Variants in DENND5A observed in about 807,000 individuals in gnomAD.
DENND5A encodes the protein DENN domain-containing protein 5A.
DENND5A carries 64 observed loss-of-function variants against 140.3 expected under a neutral mutation model. The ratio of observed to expected loss-of-function variants is 0.46; its 90% CI spans 0.37 to 0.56. DENND5A has a LOEUF of 0.56. Among genes scored for constraint, DENND5A ranks in the 20% least tolerant of loss-of-function variants. The pLI is 0.00. For missense variants in DENND5A, 1,292 were observed against 1,593.8 expected (o/e 0.81, Z 3.22); for synonymous variants, 605 against 607.7 (o/e 1.00, Z 0.07).
chr11:9,204,316 A>G lies in DENND5A; in HGVS notation c.293T>C (p.Leu98Pro). The G allele has an allele frequency of 3.1e-6, 5 of 1,607,244 alleles. No individual in the cohort carries two copies. Among genetic ancestry groups the G allele is most frequent in the Non-Finnish European group, 4.2e-6 (5 of 1,179,110 alleles). ...NPFDQDAVGM[L>P]CMPKGLAFKT... is the part of the protein sequence containing the mutation. ...GAATGCCAGCCCTTTCGGCATACAT[A>G]GCTGCAAAAGACAACAAGGCAACAA... The change falls in exon 4 of 23, where the codon CTA becomes CCA. Residue 98 changes from leucine to proline, a missense_variant and splice_region_variant. This residue lies in a region of DENND5A where 566 missense variants were observed against 650.4 expected (regional missense o/e 0.87). Coordinates refer to ENST00000328194, the MANE Select transcript of DENND5A (RefSeq NM_015213.4).
intron 5 of DENND5A, among the ~76,000 whole-genome samples, chr11:9,182,426 C>T (rs1049385662): frequency 6.6e-6 from 1 of 152,218 alleles, no homozygotes; most frequent in East Asian, 1.9e-4. Context: ...AAAAGTCACA[C>T]AGCTATTAAC....
chr11:9,240,908 G>A (rs1851209036), intron 1 of DENND5A, among the ~76,000 whole-genome samples: 1 of 152,170 alleles, frequency 6.6e-6, no homozygotes, highest in South Asian at 2.1e-4. Context: ...GTGGTATGAG[G>A]TATGTTAACA....
rs1193070071 is a variant in DENND5A at position 9,178,275 on chromosome 11, T to G, written c.1763A>C (p.Lys588Thr). ...TQMFASFIDN[K>T]IMCHDDDDKD... ...ATCATCATCATCATGACACATTATT[T>G]TGTTGTCAATGAAAGATGCAAACAT... is the stretch of plus-strand genomic sequence containing the variant. The change falls in exon 8 of 23, where the codon AAA becomes ACA. Residue 588 changes from lysine to threonine, a missense_variant. Coordinates refer to ENST00000328194, the MANE Select transcript of DENND5A (RefSeq NM_015213.4). 1.2e-6 allele frequency: 2 copies of G among 1,613,904 alleles called. No individual in the cohort carries two copies. Among genetic ancestry groups the G allele is most frequent in the Non-Finnish European group, 1.7e-6 (2 of 1,179,838 alleles).
chr11:9,169,824 A>C (rs372053135), intron 10 of DENND5A, 32 bp downstream of exon 10: 4 of 1,262,980 alleles, frequency 3.2e-6, no homozygotes, highest in Non-Finnish European at 4.6e-6. Context: ...CATGATAGCA[A>C]GGTCATCCTT....
chr11:9,193,602 A>G lies in DENND5A; in HGVS notation c.1029T>C (p.Pro343=). 6.2e-7 allele frequency: 1 copy of G among 1,614,114 alleles called. No homozygotes were observed. The highest frequency in any genetic ancestry group is 8.5e-7 in the Non-Finnish European group (1 of 1,179,986). ...FPFQWQHVYV[P]ILPASLLHFL... ...AATGCAGGAGAGAAGCTGGGAGAAT[A>G]GGGACATAGACATGCTGCCACTGGA... Residue 343 remains proline, a synonymous_variant, in exon 5 of 23, where the codon CCT becomes CCC. Coordinates refer to ENST00000328194, the MANE Select transcript of DENND5A (RefSeq NM_015213.4).
At chr11:9,213,667 CA>C (rs1486621295) in intron 1 of DENND5A, among the ~76,000 whole-genome samples, 2 of 151,518 alleles carry the variant, frequency 1.3e-5, no homozygotes, top group Non-Finnish European at 2.9e-5. Context: ...ATTAGCCAGG[CA>C]TGGTGGCAGG....
At chr11:9,182,768 G>A (rs1174245819) in intron 5 of DENND5A, among the ~76,000 whole-genome samples, 3 of 152,160 alleles carry the variant, frequency 2.0e-5, no homozygotes, top group Non-Finnish European at 2.9e-5. Context: ...AGGGTGGCAA[G>A]GAGGAGGAAT....
At chr11:9,171,985 A>G (rs1178166059) in intron 8 of DENND5A, 1 of 152,208 alleles carries the variant, frequency 6.6e-6, no homozygotes, top group East Asian at 1.9e-4. Context: ...ACACTCAACA[A>G]TGCAGGAGAA....
intron 1 of DENND5A, among the ~76,000 whole-genome samples, chr11:9,231,380 C>T (rs1402637319): frequency 6.6e-6 from 1 of 152,188 alleles, no homozygotes; most frequent in Non-Finnish European, 1.5e-5. Flanking sequence ...AGGGACCACC[C>T]AGCAGCCTCT....
At chr11:9,152,769 C>A (rs901704256) in intron 12 of DENND5A, among the ~76,000 whole-genome samples, 1 of 151,686 alleles carries the variant, frequency 6.6e-6, no homozygotes, top group African/African-American at 2.4e-5. Flanking sequence ...TTCAGGAAGC[C>A]GAGGCGGGCA....
At chr11:9,153,469 T>A (rs1183427397) in intron 12 of DENND5A, among the ~76,000 whole-genome samples, 3 of 151,348 alleles carry the variant, frequency 2.0e-5, no homozygotes, top group African/African-American at 7.3e-5. Context: ...TAAGCTTCCA[T>A]CTTAGCTCCT....
At chr11:9,227,602 C>G (rs1211047036) in intron 1 of DENND5A, among the ~76,000 whole-genome samples, 3 of 152,066 alleles carry the variant, frequency 2.0e-5, no homozygotes, top group African/African-American at 7.2e-5. Context: ...ATTTAGAACT[C>G]AAATATTAGT....
intron 12 of DENND5A, among the ~76,000 whole-genome samples, chr11:9,157,161 T>C (rs542299731): frequency 4.6e-4 from 70 of 152,152 alleles, no homozygotes; most frequent in South Asian, 3.9e-3. Flanking sequence ...TTATGGAAAA[T>C]GATAAAAGGA....
intron 1 of DENND5A, among the ~76,000 whole-genome samples, chr11:9,224,466 C>T (rs1324505228): frequency 6.6e-6 from 1 of 152,108 alleles, no homozygotes; most frequent in Admixed American, 6.5e-5. Context: ...CATGCTTTTT[C>T]GTGCTTTCAT....
At position 9,145,094 on chromosome 11, in the gene DENND5A, A is replaced by G. The variant is rs1250668575; in HGVS notation, c.3023T>C (p.Leu1008Pro). The change falls in exon 18 of 23, where the codon CTT becomes CCT. Residue 1008 changes from leucine (L) to proline (P), a missense_variant. By Grantham distance (98) the Leu-to-Pro change is moderately conservative. Around this residue, in one of 4 missense-constraint regions of DENND5A, gnomAD observed 498 missense variants for 689.7 expected, o/e 0.72. Transcript: ENST00000328194. Reference sequence around the variant, plus strand: ...ATCATGGCCAATCTGGACAGTAGTAAGCTTCCCCAAGTTCTGGCACTATTA... The same window carrying G: ...ATCATGGCCAATCTGGACAGTAGTAGGCTTCCCCAAGTTCTGGCACTATTA... ...MTFECQNLGK[L>P]TTVQIGHDNS... The G allele has an allele frequency of 1.9e-6, 3 of 1,613,538 alleles. 1 individual carries two copies. In the African/African-American group the frequency reaches 4.0e-5, roughly 22 times the overall value.
chr11:9,224,039 C>G (rs1850431308), intron 1 of DENND5A, among the ~76,000 whole-genome samples: 1 of 151,980 alleles, frequency 6.6e-6, no homozygotes, highest in African/African-American at 2.4e-5. Flanking sequence ...TAAAAAAATA[C>G]AAAAATTAGC....
chr11:9,259,223 G>A (rs1852084845), intron 1 of DENND5A, among the ~76,000 whole-genome samples: 2 of 151,964 alleles, frequency 1.3e-5, no homozygotes, highest in Non-Finnish European at 2.9e-5. Context: ...TCGTGCCATT[G>A]CACTCCAGCC....
intron 1 of DENND5A, among the ~76,000 whole-genome samples, chr11:9,213,613 G>A (rs1009374154): frequency 1.3e-5 from 2 of 151,304 alleles, no homozygotes; most frequent in African/African-American, 4.9e-5. Flanking sequence ...TTCAAGACCA[G>A]CTGGGCCAAC....
Position 9,142,785 on chromosome 11 carries a change from C to G in DENND5A, c.3448G>C (p.Ala1150Pro). The G allele has an allele frequency of 1.2e-6, 2 of 1,614,180 alleles. No individual in the cohort carries two copies. Among genetic ancestry groups the G allele is most frequent in the Non-Finnish European group, 1.7e-6 (2 of 1,180,026 alleles). Reference sequence around the variant, plus strand: ...GGCGATTTAAATCCATGCTGGAAAGCCTGTTCCAAGGCCGAGACAAGGCCA... The same window carrying G: ...GGCGATTTAAATCCATGCTGGAAAGGCTGTTCCAAGGCCGAGACAAGGCCA... The part of the protein sequence containing the change: ...ECGLVSALEQ[A>P]FQHGFKSPRL... The change falls in exon 21 of 23, where the codon GCT becomes CCT. Residue 1150 changes from alanine to proline, a missense_variant. This residue lies in a region of DENND5A where 498 missense variants were observed against 689.7 expected (regional missense o/e 0.72). Coordinates refer to ENST00000328194, the MANE Select transcript of DENND5A (RefSeq NM_015213.4).
Sources: gnomAD v4.1 joint callset for allele counts (sites outside exome capture counted in the v4.1 genomes callset) on GRCh38, gnomAD v4.1.1 for gene constraint, gnomAD v4.1.1 regional missense constraint, MANE v1.5 for transcripts, NCBI Gene and HGNC (gene_info 2026-07-23, HGNC 2026-07-21) for gene names.